The following SFMBT2 variants were observed in gnomAD, a reference collection of about 807,000 sequenced individuals.
SFMBT2 encodes scm-like with four MBT domains protein 2.
Under a neutral mutation model 110.1 loss-of-function variants are expected in SFMBT2, and 38 were observed. The observed-to-expected ratio is 0.35, with a 90% confidence interval of 0.27 to 0.45. SFMBT2 has a LOEUF of 0.45. Ranked by LOEUF, SFMBT2 falls within the 20% of genes least tolerant of loss-of-function variation. The pLI, the probability that SFMBT2 is intolerant of heterozygous loss-of-function variation, is 1.00. For missense variants in SFMBT2, 1,011 were observed against 1,094.9 expected (o/e 0.92, Z 1.08); for synonymous variants, 425 against 425.4 (o/e 1.00, Z 0.01).
At chr10:7,261,840 T>C (rs910088956) in intron 7 of SFMBT2, among the ~76,000 whole-genome samples, 1 of 152,260 alleles carries the variant, frequency 6.6e-6, no homozygotes, top group Non-Finnish European at 1.5e-5. Context: ...GATTTTATCT[T>C]ATCCTTGACT....
Position 7,381,956 on chromosome 10 carries a change from G to C in SFMBT2, c.-51-7C>G. The C allele has an allele frequency of 3.5e-6, 5 of 1,411,548 alleles. No individual in the cohort carries two copies. The highest frequency in any genetic ancestry group is 3.1e-5 in the South Asian group (2 of 64,952). 87.4% of individuals were successfully genotyped at this position (1,411,548 alleles called of 1,614,324 possible). ...ATCCTGCAGAAAAAATTACCTAAGA[G>C]CAATCAAAAAAAAAAAAATCAGAGC... On this transcript the variant is annotated splice_region_variant and splice_polypyrimidine_tract_variant and intron_variant, in intron 1 of 20. Coordinates refer to ENST00000397167, the MANE Select transcript of SFMBT2 (RefSeq NM_001387889.1).
At chr10:7,256,501 T>C (rs1841012048) in intron 7 of SFMBT2, among the ~76,000 whole-genome samples, 1 of 152,238 alleles carries the variant, frequency 6.6e-6, no homozygotes, top group South Asian at 2.1e-4. Flanking sequence ...TAAAAATTAC[T>C]TCCAAAATGT....
intron 7 of SFMBT2, among the ~76,000 whole-genome samples, chr10:7,256,677 G>C (rs562931301): frequency 6.6e-6 from 1 of 152,158 alleles, no homozygotes; most frequent in South Asian, 2.1e-4. Context: ...CGATGTTATC[G>C]ATGTTAACCA....
At chr10:7,230,330 C>T (rs761682837) in intron 9 of SFMBT2, among the ~76,000 whole-genome samples, 1 of 152,164 alleles carries the variant, frequency 6.6e-6, no homozygotes, top group Non-Finnish European at 1.5e-5. Context: ...TCTTCTGAAC[C>T]TTTCTGAATA....
chr10:7,336,341 G>A (rs1162288483), intron 4 of SFMBT2, among the ~76,000 whole-genome samples: 1 of 152,204 alleles, frequency 6.6e-6, no homozygotes, highest in East Asian at 1.9e-4. Context: ...AGACTGGCTT[G>A]CCTAAGAAAA....
intron 7 of SFMBT2, among the ~76,000 whole-genome samples, chr10:7,269,709 TGTGTGC>T (rs1320794452): frequency 7.2e-3 from 61 of 8,528 alleles, no homozygotes; most frequent in African/African-American, 0.015. Flanking sequence ...AGCAAGTAAG[TGTGTGC>T]GTGTGTGTGT....
chr10:7,290,425 G>A (rs1842229214), intron 4 of SFMBT2, among the ~76,000 whole-genome samples: 1 of 152,126 alleles, frequency 6.6e-6, no homozygotes, highest in Non-Finnish European at 1.5e-5. Flanking sequence ...CACAGTGAAG[G>A]AAGGAATCAT....
At chr10:7,346,292 C>A (rs144579923) in intron 4 of SFMBT2, among the ~76,000 whole-genome samples, 1 of 152,072 alleles carries the variant, frequency 6.6e-6, no homozygotes, top group African/African-American at 2.4e-5. Context: ...TTTCTGACCC[C>A]GGTGTTCTAA....
At chr10:7,325,531 T>C (rs1843356084) in intron 4 of SFMBT2, among the ~76,000 whole-genome samples, 1 of 152,180 alleles carries the variant, frequency 6.6e-6, no homozygotes, top group Non-Finnish European at 1.5e-5. Flanking sequence ...TCTAAATACA[T>C]ATTCAGAGGT....
chr10:7,172,485 C>G lies in SFMBT2; in HGVS notation c.2151+10G>C. The G allele has an allele frequency of 6.2e-7, 1 of 1,613,274 alleles. No homozygotes were observed. Among genetic ancestry groups the G allele is most frequent in the Non-Finnish European group, 8.5e-7 (1 of 1,179,996 alleles). Reference sequence around the variant, plus strand: ...GCTACAGGCTGGCAGGTGCCCCGGGCAGAACATACCTCCCCCGAGCCCGCG... The same window carrying G: ...GCTACAGGCTGGCAGGTGCCCCGGGGAGAACATACCTCCCCCGAGCCCGCG... On this transcript the variant is annotated intron_variant, in intron 18 of 20. Transcript: ENST00000397167. The surrounding 1 kb of genome is among the most constrained non-coding windows in gnomAD (Gnocchi z 4.6).
Position 7,367,429 on chromosome 10 carries a change from G to A in SFMBT2, c.436+220C>T, listed in dbSNP as rs1844943608. Among the ~76,000 whole-genome samples, 3 of 152,112 alleles carry A rather than the reference G, an allele frequency of 2.0e-5. No homozygotes were observed. Among genetic ancestry groups the A allele is most frequent in the African/African-American group, 4.8e-5 (2 of 41,402 alleles). ...TTAGGCATACTTTCAGTTCCGAAAA[G>A]CCAAGTTTGGCTCCATTGTCAGCAC... On this transcript the variant is annotated intron_variant, in intron 4 of 20. Transcript: ENST00000397167. This position sits in a 1 kb window ranked among gnomAD's most constrained non-coding sequence, Gnocchi z 6.2.
chr10:7,199,492 A>C (rs1838884214), intron 14 of SFMBT2, among the ~76,000 whole-genome samples: 1 of 152,236 alleles, frequency 6.6e-6, no homozygotes, highest in East Asian at 1.9e-4. Flanking sequence ...AGAGGTAGGA[A>C]GCAGAAATGT....
At chr10:7,382,416 A>C (rs1026499455) in intron 1 of SFMBT2, among the ~76,000 whole-genome samples, 1 of 152,226 alleles carries the variant, frequency 6.6e-6, no homozygotes, top group East Asian at 1.9e-4. Context: ...TCTCAAAAAA[A>C]AAATTAATTA....
At chr10:7,195,059 T>A (rs1045460064) in intron 15 of SFMBT2, among the ~76,000 whole-genome samples, 1 of 152,210 alleles carries the variant, frequency 6.6e-6, no homozygotes, top group Non-Finnish European at 1.5e-5. Flanking sequence ...TTTTTGTCAG[T>A]TGTTGTGTCC....
At chr10:7,332,668 A>G (rs1199851668) in intron 4 of SFMBT2, among the ~76,000 whole-genome samples, 1 of 152,246 alleles carries the variant, frequency 6.6e-6, no homozygotes, top group African/African-American at 2.4e-5. Context: ...CTAGGAAAAA[A>G]AAATTATTTC....
At chr10:7,390,397 C>T (rs1213023681) in intron 1 of SFMBT2, among the ~76,000 whole-genome samples, 2 of 152,246 alleles carry the variant, frequency 1.3e-5, no homozygotes, top group African/African-American at 2.4e-5. Flanking sequence ...AACAGTTTCC[C>T]CCTAATATTC....
chr10:7,257,545 C>A (rs1025174064), intron 7 of SFMBT2, among the ~76,000 whole-genome samples: 10 of 152,178 alleles, frequency 6.6e-5, no homozygotes, highest in African/African-American at 1.9e-4. Context: ...ATACAGTATA[C>A]ACGTGGCTGT....
intron 4 of SFMBT2, among the ~76,000 whole-genome samples, chr10:7,343,151 T>C (rs1843984864): frequency 6.6e-6 from 1 of 152,170 alleles, no homozygotes; most frequent in African/African-American, 2.4e-5. Flanking sequence ...GGTTTTCTGT[T>C]CCTGCATTAG....
In SFMBT2 at chr10:7,315,032, AAGAAAG is replaced by A. The variant is rs777054477; in HGVS notation, c.437-29084_437-29079del. ...GAAAGAAAGAAAAGAGAGAGAAAGA[AAGAAAG>A]AGAAAGAAAGAAAGAAAGAAAGAAA... On this transcript the variant is annotated intron_variant, in intron 4 of 20. Transcript: ENST00000397167. Among the ~76,000 whole-genome samples, 1,045 of 130,306 alleles carry A rather than the reference AAGAAAG, an allele frequency of 8.0e-3. 23 individuals carry two copies. Among genetic ancestry groups the A allele is most frequent in the Non-Finnish European group, 0.013 (809 of 61,002 alleles). The allele number at this position is 130,306 out of a possible 152,430, so 85.5% of individuals were successfully genotyped here. A position where few individuals can be genotyped will look rare whatever the true frequency, so the allele number is the denominator to read the frequency against.
Sources: gnomAD v4.1 joint callset for allele counts (sites outside exome capture counted in the v4.1 genomes callset) on GRCh38, gnomAD v4.1.1 for gene constraint, Gnocchi (gnomAD v3.1) non-coding constraint, MANE v1.5 for transcripts, NCBI Gene and HGNC (gene_info 2026-07-23, HGNC 2026-07-21) for gene names.